Variants in CTNND2 observed in about 807,000 individuals in gnomAD.
The protein encoded by CTNND2 is catenin delta-2.
Under a neutral mutation model 144.4 loss-of-function variants are expected in CTNND2, and 22 were observed. That is an observed-to-expected ratio of 0.15 (90% CI 0.11 to 0.22). The LOEUF is 0.22. Ranked by LOEUF, CTNND2 falls within the 10% of genes least tolerant of loss-of-function variation. CTNND2 has a pLI of 1.00. For synonymous variants in CTNND2, 751 were observed against 695.6 expected, an observed-to-expected ratio of 1.08 and a Z score of -1.25; for missense variants, 1,353 against 1,618.8, an observed-to-expected ratio of 0.84 and a Z score of 2.82.
At chr5:11,891,524 T>C (rs1318032957) in intron 1 of CTNND2, among the ~76,000 whole-genome samples, 2 of 152,094 alleles carry the variant, frequency 1.3e-5, no homozygotes, top group African/African-American at 4.8e-5. Flanking sequence ...CATTTGGAAA[T>C]GGGACCCCCG....
At chr5:11,554,888 T>A (rs2150090431) in intron 3 of CTNND2, among the ~76,000 whole-genome samples, 1 of 150,026 alleles carries the variant, frequency 6.7e-6, no homozygotes, top group South Asian at 2.1e-4. Context: ...TATATACTAT[T>A]TAATGTACTG....
intron 2 of CTNND2, among the ~76,000 whole-genome samples, chr5:11,704,422 C>T (rs1785600002): frequency 6.6e-6 from 1 of 152,136 alleles, no homozygotes; most frequent in South Asian, 2.1e-4. Context: ...TAACAGAGGC[C>T]TGATGAAAAT....
At chr5:11,180,928 T>A (rs559629541) in intron 11 of CTNND2, among the ~76,000 whole-genome samples, 200 of 152,284 alleles carry the variant, frequency 1.3e-3, no homozygotes, top group African/African-American at 4.4e-3. Flanking sequence ...CCCGGTTGCC[T>A]GAGGATGTGG....
chr5:11,386,833 G>A (rs562436076), intron 6 of CTNND2, among the ~76,000 whole-genome samples: 1 of 152,200 alleles, frequency 6.6e-6, no homozygotes, highest in East Asian at 1.9e-4. Context: ...TAGTCTCAAG[G>A]CTATGAGGGT....
intron 18 of CTNND2, among the ~76,000 whole-genome samples, chr5:10,994,727 C>G (rs1184624796): frequency 6.6e-6 from 1 of 151,956 alleles, no homozygotes; most frequent in African/African-American, 2.4e-5. Flanking sequence ...TAGGCGTGAG[C>G]AGGGGGCCAG....
intron 7 of CTNND2, among the ~76,000 whole-genome samples, chr5:11,371,658 A>T (rs771592903): frequency 6.6e-6 from 1 of 152,140 alleles, no homozygotes; most frequent in Non-Finnish European, 1.5e-5. Context: ...AGGGCCCCAA[A>T]ATATTTTCCT....
chr5:11,179,329 A>G (rs1301596287), intron 11 of CTNND2, among the ~76,000 whole-genome samples: 1 of 152,026 alleles, frequency 6.6e-6, no homozygotes, highest in African/African-American at 2.4e-5. Flanking sequence ...CAAAAAAACA[A>G]AAACAAAAAC....
chr5:11,240,386 T>TCAAACACACCCCCAACA (rs147304815), intron 9 of CTNND2, among the ~76,000 whole-genome samples: 3 of 93,806 alleles, frequency 3.2e-5, no homozygotes, highest in Non-Finnish European at 4.1e-5. Flanking sequence ...ACACATACAC[T>TCAAACACACCCCCAACA]CACACACCCA....
intron 17 of CTNND2, 25 bp downstream of exon 17, chr5:11,022,744 G>T: frequency 6.3e-7 from 1 of 1,593,590 alleles, no homozygotes; most frequent in Non-Finnish European, 8.6e-7. Flanking sequence ...CCAGGACAGA[G>T]ATATGGCGTC....
chr5:11,275,305 T>G (rs958348544), intron 9 of CTNND2, among the ~76,000 whole-genome samples: 8 of 152,118 alleles, frequency 5.3e-5, no homozygotes, highest in Non-Finnish European at 1.2e-4. Flanking sequence ...ACCCAGAGCA[T>G]CTGGTGCCTC....
intron 2 of CTNND2, among the ~76,000 whole-genome samples, chr5:11,601,986 G>A (rs1394372416): frequency 6.6e-6 from 1 of 152,030 alleles, no homozygotes; most frequent in African/African-American, 2.4e-5. Context: ...CGCCAGGTGG[G>A]GAAAAGTGCC....
intron 12 of CTNND2, among the ~76,000 whole-genome samples, chr5:11,137,908 T>C (rs374915594): frequency 6.6e-6 from 1 of 152,176 alleles, no homozygotes; most frequent in African/African-American, 2.4e-5. Context: ...TAAAGTAACA[T>C]AAATTTATTA....
chr5:11,592,703 A>C (rs1418325853), intron 2 of CTNND2, among the ~76,000 whole-genome samples: 4 of 151,954 alleles, frequency 2.6e-5, no homozygotes, highest in Non-Finnish European at 5.9e-5. Flanking sequence ...CCTAAAAATT[A>C]TAATCAAAAC....
chr5:11,749,033 G>A (rs1231565979), intron 1 of CTNND2, among the ~76,000 whole-genome samples: 1 of 151,944 alleles, frequency 6.6e-6, no homozygotes, highest in Non-Finnish European at 1.5e-5. Flanking sequence ...TGGAGAAAGA[G>A]GTCCACGTAA....
chr5:11,136,226 A>G (rs1561364999), intron 12 of CTNND2, among the ~76,000 whole-genome samples: 2 of 152,188 alleles, frequency 1.3e-5, no homozygotes, highest in African/African-American at 4.8e-5. Context: ...ACCTGGTCTA[A>G]GCTGTTTTGT....
At chr5:11,075,018 A>C (rs888687664) in intron 16 of CTNND2, among the ~76,000 whole-genome samples, 6 of 150,872 alleles carry the variant, frequency 4.0e-5, no homozygotes, top group African/African-American at 1.2e-4. Context: ...TGGGGAAAGG[A>C]ATAGCAATGA....
chr5:11,793,094 G>A (rs1461036411), intron 1 of CTNND2, among the ~76,000 whole-genome samples: 1 of 152,128 alleles, frequency 6.6e-6, no homozygotes, highest in Non-Finnish European at 1.5e-5. Flanking sequence ...AACTGATGTC[G>A]ATTTCCACAG....
intron 1 of CTNND2, among the ~76,000 whole-genome samples, chr5:11,771,604 T>C (rs1231004838): frequency 6.6e-6 from 1 of 152,194 alleles, no homozygotes; most frequent in Non-Finnish European, 1.5e-5. Context: ...TGTAGTCTTC[T>C]TTATCATTGT....
At chr5:11,683,779 A>T (rs1369532334) in intron 2 of CTNND2, among the ~76,000 whole-genome samples, 2 of 152,240 alleles carry the variant, frequency 1.3e-5, no homozygotes, top group African/African-American at 4.8e-5. Flanking sequence ...CACCCTATGG[A>T]GAAACAACAT....
Sources: gnomAD v4.1 joint callset for allele counts (sites outside exome capture counted in the v4.1 genomes callset) on GRCh38, gnomAD v4.1.1 for gene constraint, MANE v1.5 for transcripts, NCBI Gene and HGNC (gene_info 2026-07-23, HGNC 2026-07-21) for gene names.